CYFIP1: variants seen among roughly 807,000 people sequenced by gnomAD.
CYFIP1 encodes cytoplasmic FMR1-interacting protein 1.
Under a neutral mutation model 163.5 loss-of-function variants are expected in CYFIP1, and 58 were observed. The observed-to-expected ratio is 0.35, with a 90% CI of 0.29 to 0.44. The LOEUF (loss-of-function observed/expected upper bound fraction) is 0.44. Ranked by LOEUF, CYFIP1 falls within the 20% of genes least tolerant of loss-of-function variation. The pLI, the probability that CYFIP1 is intolerant of heterozygous loss-of-function variation, is 1.00. For synonymous variants in CYFIP1, 663 were observed against 660.7 expected (o/e 1.00, Z -0.05); for missense variants, 1,338 against 1,653.8 (o/e 0.81, Z 3.31).
chr15:22,926,507 AC>A (rs1245266379), intron 12 of CYFIP1, among the ~76,000 whole-genome samples: 1 of 152,206 alleles, frequency 6.6e-6, no homozygotes, highest in African/African-American at 2.4e-5. Flanking sequence ...CCTCATCTCT[AC>A]AAAAAATAAA....
At chr15:22,872,010 A>G (rs761879967) in intron 30 of CYFIP1, among the ~76,000 whole-genome samples, 5 of 152,114 alleles carry the variant, frequency 3.3e-5, no homozygotes, top group Non-Finnish European at 5.9e-5. Context: ...AACTAATACA[A>G]CAGGGCTGGG....
intron 16 of CYFIP1, among the ~76,000 whole-genome samples, chr15:22,915,269 C>T (rs2060934008): frequency 6.6e-6 from 1 of 151,914 alleles, no homozygotes; most frequent in African/African-American, 2.4e-5. Context: ...TAGCTGAGAA[C>T]ACAGGCACGT....
rs764111168 is a variant in CYFIP1, at chr15:22,927,933, C to G, written c.1206G>C (p.Ser402=). 4 of 1,606,342 alleles carry G rather than the reference C, an allele frequency of 2.5e-6. No homozygotes were observed. The South Asian group carries it at 3.3e-5, about 13-fold the overall frequency. The change falls in exon 12 of 31, where the codon TCG becomes TCC. Residue 402 remains serine (S), a synonymous_variant. Coordinates refer to ENST00000617928, the MANE Select transcript of CYFIP1 (RefSeq NM_014608.6). The part of the protein sequence containing the change: ...DLALQGLQLL[S]QWSAHVMEVY... ...CTTCCATCACGTGCGCGCTCCACTG[C>G]GACAACAGCTGCAGGCCCTGCAGCG...
chr15:22,875,949 C>T (rs1024218076), intron 26 of CYFIP1, among the ~76,000 whole-genome samples: 7 of 146,274 alleles, frequency 4.8e-5, no homozygotes, highest in African/African-American at 1.8e-4. Flanking sequence ...CCCAAATCCA[C>T]CAAGAACCCA....
intron 26 of CYFIP1, among the ~76,000 whole-genome samples, chr15:22,878,365 G>C (rs1286269106): frequency 6.6e-6 from 1 of 152,176 alleles, no homozygotes; most frequent in Non-Finnish European, 1.5e-5. Context: ...AGATGTGGCA[G>C]AAAGCCAGGA....
intron 25 of CYFIP1, 34 bp downstream of exon 25, chr15:22,881,812 G>T: frequency 6.3e-7 from 1 of 1,593,716 alleles, no homozygotes; most frequent in Non-Finnish European, 8.5e-7. Context: ...CCTCTCCACA[G>T]ACAGCACTGT....
chr15:22,953,925 G>A (rs1008944072), intron 1 of CYFIP1, among the ~76,000 whole-genome samples: 6 of 152,082 alleles, frequency 3.9e-5, no homozygotes, highest in African/African-American at 7.2e-5. Context: ...GCGTGGTGGC[G>A]GGCGCCTGTA....
chr15:22,925,791 G>A (rs1461047068), intron 13 of CYFIP1, among the ~76,000 whole-genome samples, 191 bp downstream of exon 13: 3 of 152,130 alleles, frequency 2.0e-5, no homozygotes, highest in Non-Finnish European at 4.4e-5. Context: ...GGGAGCTTCA[G>A]TGCAGACCCA....
intron 13 of CYFIP1, among the ~76,000 whole-genome samples, chr15:22,925,655 C>T: frequency 6.6e-6 from 1 of 152,160 alleles, no homozygotes; most frequent in Admixed American, 6.5e-5. Flanking sequence ...AGTGCAGCGC[C>T]TGCCTCACAG....
At chr15:22,978,158 C>T (rs998332825) in intron 1 of CYFIP1, among the ~76,000 whole-genome samples, 3 of 151,570 alleles carry the variant, frequency 2.0e-5, no homozygotes, top group African/African-American at 7.3e-5. Flanking sequence ...TCAAGACCAG[C>T]CTGGGCAACA....
At chr15:22,895,251 T>C (rs1664086778) in intron 22 of CYFIP1, among the ~76,000 whole-genome samples, 1 of 152,142 alleles carries the variant, frequency 6.6e-6, no homozygotes, top group Non-Finnish European at 1.5e-5. Flanking sequence ...CCTGACCTCG[T>C]GATCTGTCTG....
chr15:22,949,402 G>C (rs2062173886), intron 1 of CYFIP1, among the ~76,000 whole-genome samples: 1 of 152,174 alleles, frequency 6.6e-6, no homozygotes, highest in African/African-American at 2.4e-5. Flanking sequence ...CCAGGACGTG[G>C]GCAGAGGAGG....
intron 13 of CYFIP1, among the ~76,000 whole-genome samples, chr15:22,921,719 T>C (rs2061185142): frequency 6.7e-6 from 1 of 148,776 alleles, no homozygotes. Context: ...TAAGCTGAGA[T>C]TGTGCCACTG....
chr15:22,874,533 A>C lies in CYFIP1; in HGVS notation c.3210+17T>G. On this transcript the variant is annotated intron_variant, in intron 28 of 30. Coordinates refer to ENST00000617928, the MANE Select transcript of CYFIP1 (RefSeq NM_014608.6). ...TGCCCAGCTTGCAACAGCCACAGCC[A>C]TCACGGTACACGTTACCTGAGGGGT... The C allele has an allele frequency of 1.3e-6, 2 of 1,565,278 alleles. No individual in the cohort carries two copies. The highest frequency in any genetic ancestry group is 1.7e-6 in the Non-Finnish European group (2 of 1,158,588).
At chr15:22,932,822 A>G (rs1025892984) in intron 10 of CYFIP1, among the ~76,000 whole-genome samples, 2 of 152,114 alleles carry the variant, frequency 1.3e-5, no homozygotes, top group African/African-American at 4.8e-5. Context: ...CATCTGACAC[A>G]CTGTCAGTCT....
chr15:22,923,393 A>G (rs1051040649), intron 13 of CYFIP1, among the ~76,000 whole-genome samples: 2 of 152,176 alleles, frequency 1.3e-5, no homozygotes, highest in Non-Finnish European at 2.9e-5. Context: ...GAAAACCGCA[A>G]ATCAAAAGCG....
intron 30 of CYFIP1, among the ~76,000 whole-genome samples, chr15:22,871,753 A>G (rs1015080553): frequency 6.6e-6 from 1 of 152,148 alleles, no homozygotes; most frequent in Non-Finnish European, 1.5e-5. Context: ...GGAGGGGGCC[A>G]CTTGGAAAGC....
chr15:22,900,997 G>C (rs546822366), intron 22 of CYFIP1, among the ~76,000 whole-genome samples: 122 of 151,980 alleles, frequency 8.0e-4, no homozygotes, highest in Admixed American at 2.1e-3. Context: ...CAGGTCAGGA[G>C]TTTGAGATCA....
In CYFIP1 at chr15:22,910,796, G is replaced by A; in HGVS notation, c.2100C>T (p.Asp700=). The change falls in exon 19 of 31, where the codon GAC becomes GAT. Residue 700 remains aspartate, a synonymous_variant. Transcript: ENST00000617928. ...EIEAEVNLCF[D]QFVYKLADQI... ...GGTCTGCTAGCTTGTAAACAAATTG[G>A]TCAAAACATAGATTCACCTGAAGAA... 1 of 1,613,784 alleles carries A rather than the reference G, an allele frequency of 6.2e-7. No homozygotes were observed. Among genetic ancestry groups the A allele is most frequent in the Non-Finnish European group, 8.5e-7 (1 of 1,179,746 alleles).
Sources: gnomAD v4.1 joint callset for allele counts (sites outside exome capture counted in the v4.1 genomes callset) on GRCh38, gnomAD v4.1.1 for gene constraint, MANE v1.5 for transcripts, NCBI Gene and HGNC (gene_info 2026-07-23, HGNC 2026-07-21) for gene names.